CDH6: variants seen among roughly 807,000 people sequenced by gnomAD.
CDH6 encodes the protein cadherin-6.
In CDH6, 31 loss-of-function variants were observed where a neutral mutation model predicts 78.0. The observed-to-expected ratio is 0.40, with a 90% CI of 0.30 to 0.54. The LOEUF is 0.54. Among genes scored for constraint, CDH6 ranks in the 20% least tolerant of loss-of-function variants. The probability of loss-of-function intolerance (pLI) is 0.56; values close to 1 mark genes in which losing one functional copy is unlikely to be tolerated. For synonymous variants in CDH6, 376 were observed against 368.8 expected (o/e 1.02, Z -0.23); for missense variants, 724 against 975.9 (o/e 0.74, Z 3.44).
intron 1 of CDH6, among the ~76,000 whole-genome samples, chr5:31,211,664 T>C (rs1483704528): frequency 6.6e-6 from 1 of 151,676 alleles, no homozygotes; most frequent in Non-Finnish European, 1.5e-5. Context: ...TCTGGGGTTG[T>C]TTTTTTTCAC....
chr5:31,240,845 C>T (rs1217888422), intron 1 of CDH6, among the ~76,000 whole-genome samples: 1 of 152,170 alleles, frequency 6.6e-6, no homozygotes, highest in Non-Finnish European at 1.5e-5. Flanking sequence ...TCTTCCATTG[C>T]TACATTGTTT....
intron 2 of CDH6, among the ~76,000 whole-genome samples, chr5:31,288,519 C>T (rs199672725): frequency 6.6e-6 from 1 of 152,168 alleles, no homozygotes; most frequent in African/African-American, 2.4e-5. Context: ...TATTTATTAG[C>T]ATTACGTATA....
At chr5:31,271,282 G>C (rs1742522564) in intron 2 of CDH6, among the ~76,000 whole-genome samples, 1 of 152,120 alleles carries the variant, frequency 6.6e-6, no homozygotes, top group Non-Finnish European at 1.5e-5. Context: ...AGGCTTTCAG[G>C]TGTAGAAGGG....
intron 2 of CDH6, among the ~76,000 whole-genome samples, chr5:31,287,152 T>C (rs1427833859): frequency 6.6e-6 from 1 of 152,082 alleles, no homozygotes; most frequent in African/African-American, 2.4e-5. Flanking sequence ...GAGATAGCAA[T>C]TGAATCCATG....
At chr5:31,269,537 G>A (rs1388583144) in intron 2 of CDH6, among the ~76,000 whole-genome samples, 2 of 152,160 alleles carry the variant, frequency 1.3e-5, no homozygotes, top group Admixed American at 6.5e-5. Context: ...TGGAGTTGCA[G>A]TAAAGTGATA....
chr5:31,197,535 G>A (rs1740202844), intron 1 of CDH6, among the ~76,000 whole-genome samples: 1 of 152,154 alleles, frequency 6.6e-6, no homozygotes, highest in Admixed American at 6.6e-5. Context: ...CAAAAAAAGT[G>A]AAAATGTAGA....
intron 11 of CDH6, among the ~76,000 whole-genome samples, chr5:31,321,558 C>T (rs1359443318): frequency 6.6e-6 from 1 of 152,108 alleles, no homozygotes; most frequent in African/African-American, 2.4e-5. Context: ...ATGTTAAGCA[C>T]TTAGTACAGG....
At chr5:31,242,002 A>C (rs771279050) in intron 1 of CDH6, among the ~76,000 whole-genome samples, 16 of 152,094 alleles carry the variant, frequency 1.1e-4, no homozygotes, top group Non-Finnish European at 2.4e-4. Flanking sequence ...CACCAACCTT[A>C]TTTCCCCTTG....
At chr5:31,213,993 C>T (rs563412360) in intron 1 of CDH6, among the ~76,000 whole-genome samples, 2 of 152,170 alleles carry the variant, frequency 1.3e-5, no homozygotes, top group African/African-American at 4.8e-5. Flanking sequence ...ATTGTGAGTC[C>T]GAGGCTTCTA....
chr5:31,224,235 A>C (rs1387357898), intron 1 of CDH6, among the ~76,000 whole-genome samples: 1 of 152,088 alleles, frequency 6.6e-6, no homozygotes, highest in Non-Finnish European at 1.5e-5. Context: ...GTGCGGGGGA[A>C]CTCCTCTTTA....
intron 1 of CDH6, among the ~76,000 whole-genome samples, chr5:31,232,319 T>G (rs1299640058): frequency 6.6e-6 from 1 of 152,194 alleles, no homozygotes. Flanking sequence ...AATTATCAGT[T>G]TTACTACCCT....
chr5:31,307,396 C>T (rs1227880995), intron 7 of CDH6, among the ~76,000 whole-genome samples: 2 of 152,154 alleles, frequency 1.3e-5, no homozygotes, highest in African/African-American at 4.8e-5. Flanking sequence ...ACAAAAATTC[C>T]TGGCTTACTT....
chr5:31,321,082 A>G (rs1244814743), intron 11 of CDH6, among the ~76,000 whole-genome samples: 1 of 151,782 alleles, frequency 6.6e-6, no homozygotes. Context: ...TCATGTTCAT[A>G]TTGCACTTAT....
intron 1 of CDH6, among the ~76,000 whole-genome samples, chr5:31,233,706 G>A (rs563131463): frequency 2.0e-5 from 3 of 151,926 alleles, no homozygotes; most frequent in African/African-American, 4.8e-5. Context: ...GGAAACTTCC[G>A]CCAGTTCTTC....
In CDH6 at chr5:31,256,459, A is replaced by C. The variant is rs539903624; in HGVS notation, c.-128-10887A>C. 8.5e-5 allele frequency among the ~76,000 whole-genome samples: 13 copies of C among 152,344 alleles called. No individual in the cohort carries two copies. In the East Asian group the frequency reaches 2.5e-3, roughly 29 times the overall value. The stretch of plus-strand genomic sequence containing the variant: ...TAAGAACCACTTGTGCTTTTGTAAA[A>C]GAAAGAGCAAAATAAAGTGTAACTC... On this transcript the variant is annotated intron_variant, in intron 1 of 11. Transcript: ENST00000265071.
chr5:31,223,847 A>T (rs1741066446), intron 1 of CDH6, among the ~76,000 whole-genome samples: 1 of 152,224 alleles, frequency 6.6e-6, no homozygotes. Context: ...CAAAATAATT[A>T]TTTTTTAAAG....
chr5:31,318,407 A>G (rs181669338), intron 11 of CDH6: 2 of 272,428 alleles, frequency 7.3e-6, no homozygotes, highest in Admixed American at 4.7e-5. Context: ...TTTTTAACCC[A>G]GCAAACTAAT....
chr5:31,305,365 G>A lies in CDH6; in HGVS notation c.1191G>A (p.Gln397=). 1 of 1,614,144 alleles carries A rather than the reference G, an allele frequency of 6.2e-7. No individual in the cohort carries two copies. Among genetic ancestry groups the A allele is most frequent in the Non-Finnish European group, 8.5e-7 (1 of 1,179,990 alleles). Residue 397 remains glutamine, a synonymous_variant, in exon 7 of 12, where the codon CAG becomes CAA. Transcript: ENST00000265071. ...AYILQIREDA[Q]INTTIGSVTA... The stretch of plus-strand genomic sequence containing the variant: ...TCTTACAAATAAGAGAAGATGCTCA[G>A]ATAAACACCACAATAGGCTCCGTCA...
intron 1 of CDH6, among the ~76,000 whole-genome samples, chr5:31,205,948 T>C (rs974230801): frequency 6.6e-6 from 1 of 152,226 alleles, no homozygotes; most frequent in Admixed American, 6.5e-5. Flanking sequence ...ACTGTCAATC[T>C]TCTCAGTTTT....
Sources: allele counts gnomAD v4.1 joint callset (sites outside exome capture counted in the v4.1 genomes callset), GRCh38; gene constraint gnomAD v4.1.1; transcripts MANE v1.5; gene names NCBI Gene and HGNC (gene_info 2026-07-23, HGNC 2026-07-21).